MAP3K20: variants seen among roughly 807,000 people sequenced by gnomAD.
MAP3K20 encodes mitogen-activated protein kinase kinase kinase 20.
In MAP3K20, 40 loss-of-function variants were observed where a neutral mutation model predicts 85.7. The ratio of observed to expected loss-of-function variants is 0.47; its 90% CI spans 0.36 to 0.61. The LOEUF (loss-of-function observed/expected upper bound fraction) is 0.61, where lower values mean the gene tolerates loss of function less well. MAP3K20 is among the 20% of genes least tolerant of loss of function. The pLI is 0.00. For missense variants in MAP3K20, 817 were observed against 961.7 expected (o/e 0.85, Z 1.99); for synonymous variants, 325 against 327.7 (o/e 0.99, Z 0.09).
At chr2:173,220,802 T>C (rs1300650002) in intron 11 of MAP3K20, among the ~76,000 whole-genome samples, 1 of 152,230 alleles carries the variant, frequency 6.6e-6, no homozygotes, top group Non-Finnish European at 1.5e-5. Flanking sequence ...ACTAAATGTT[T>C]CCTTATGAAA....
intron 19 of MAP3K20, among the ~76,000 whole-genome samples, chr2:173,264,196 C>A (rs531664503): frequency 2.0e-5 from 3 of 152,294 alleles, no homozygotes; most frequent in Admixed American, 6.5e-5. Context: ...TTTTAAGGAG[C>A]CTTCCCAGTG....
Position 173,213,763 on chromosome 2 carries a change from C to G in MAP3K20, c.852-3352C>G, listed in dbSNP as rs986982251. Among the ~76,000 whole-genome samples the G allele has an allele frequency of 1.7e-4, 26 of 152,158 alleles. 1 individual carries two copies. The highest frequency in any genetic ancestry group is 1.5e-5 in the Non-Finnish European group (1 of 68,030). On this transcript the variant is annotated intron_variant, in intron 10 of 19. Coordinates refer to ENST00000375213, the MANE Select transcript of MAP3K20 (RefSeq NM_016653.3). ...GTTGTGCTGTCTTCTCATTAGCATG[C>G]AATATTCACTTGACTGAATTCCTTT...
At chr2:173,225,257 G>C in intron 11 of MAP3K20, 2 of 499,642 alleles carry the variant, frequency 4.0e-6, no homozygotes, top group Non-Finnish European at 5.2e-6. Flanking sequence ...GCCAGGAATA[G>C]TAACATTATG....
At chr2:173,222,134 C>A in intron 11 of MAP3K20, 1 of 916,950 alleles carries the variant, frequency 1.1e-6, no homozygotes, top group Non-Finnish European at 1.3e-6. Flanking sequence ...ACCTAGCAAT[C>A]AGTCAGGGCT....
intron 2 of MAP3K20, among the ~76,000 whole-genome samples, chr2:173,131,629 T>A (rs1688620426): frequency 6.6e-6 from 1 of 152,198 alleles, no homozygotes; most frequent in African/African-American, 2.4e-5. Context: ...GTATATTAGA[T>A]ATTTGCAGAA....
At chr2:173,193,930 C>T (rs1690740916) in intron 7 of MAP3K20, among the ~76,000 whole-genome samples, 2 of 152,152 alleles carry the variant, frequency 1.3e-5, no homozygotes, top group Non-Finnish European at 2.9e-5. Flanking sequence ...CTGAAACAAA[C>T]TCGACCACCA....
chr2:173,229,632 A>G (rs933635033), intron 11 of MAP3K20, 57 bp from the exon 12 acceptor site: 2 of 1,607,562 alleles, frequency 1.2e-6, no homozygotes, highest in Non-Finnish European at 1.7e-6. Context: ...AGGATGAACC[A>G]AAAAGACAAT....
chr2:173,249,732 G>GA (rs1685000938), intron 16 of MAP3K20, among the ~76,000 whole-genome samples: 2 of 152,232 alleles, frequency 1.3e-5, no homozygotes, highest in African/African-American at 4.8e-5. Flanking sequence ...TCAATAGCAA[G>GA]ACTTACTATT....
At chr2:173,219,131 T>C (rs1183930864) in intron 11 of MAP3K20, among the ~76,000 whole-genome samples, 1 of 152,242 alleles carries the variant, frequency 6.6e-6, no homozygotes, top group East Asian at 1.9e-4. Context: ...TTTTCTTTTG[T>C]CCTCACATCA....
rs1381066246 is a variant in MAP3K20 at position 173,266,112 on chromosome 2, C to T, written c.1765C>T (p.Gln589Ter). 1 of 1,609,608 alleles carries T rather than the reference C, an allele frequency of 6.2e-7. No homozygotes were observed. The highest frequency in any genetic ancestry group is 8.5e-7 in the Non-Finnish European group (1 of 1,177,876). ...MRQIASNTSLQRSQSNPILGS... is the reference protein window; with the variant it reads ...MRQIASNTSL ...GCAGATTGCATCCAACACTTCTTTA[C>T]AGCGTTCCCAGAGCAATCCTATTCT... is the stretch of plus-strand genomic sequence containing the variant. The change falls in exon 20 of 20, where the codon CAG becomes TAG. Residue 589 changes from glutamine (Q) to a stop codon, truncating the protein, a stop_gained. Coordinates refer to ENST00000375213, the MANE Select transcript of MAP3K20 (RefSeq NM_016653.3). LOFTEE classifies it low-confidence loss of function (END_TRUNC).
chr2:173,138,350 T>C (rs1688862181), intron 2 of MAP3K20, among the ~76,000 whole-genome samples: 1 of 152,220 alleles, frequency 6.6e-6, no homozygotes, highest in African/African-American at 2.4e-5. Context: ...TTTTGTGTGT[T>C]TTGAACTCCT....
intron 16 of MAP3K20, among the ~76,000 whole-genome samples, chr2:173,255,311 T>C (rs7606330): frequency 0.3 from 45,349 of 151,968 alleles, 9,909 homozygotes; most frequent in East Asian, 0.61. Flanking sequence ...CTCAACAAAA[T>C]CATCCAGCAG....
chr2:173,155,377 C>A (rs1488316134), intron 2 of MAP3K20, among the ~76,000 whole-genome samples: 2 of 152,292 alleles, frequency 1.3e-5, no homozygotes, highest in African/African-American at 4.8e-5. Flanking sequence ...TATTGTCCGT[C>A]TTTTCCAGCT....
At chr2:173,086,971 T>C (rs531178283) in intron 1 of MAP3K20, among the ~76,000 whole-genome samples, 1 of 152,340 alleles carries the variant, frequency 6.6e-6, no homozygotes, top group South Asian at 2.1e-4. Flanking sequence ...TTCAGAACCC[T>C]CCGGGGCACT....
At chr2:173,250,728 T>G (rs1685023063) in intron 16 of MAP3K20, among the ~76,000 whole-genome samples, 1 of 152,170 alleles carries the variant, frequency 6.6e-6, no homozygotes, top group Non-Finnish European at 1.5e-5. Context: ...GATTAAAACA[T>G]TCTTAGTTCC....
chr2:173,133,276 G>T (rs777961570), intron 2 of MAP3K20, among the ~76,000 whole-genome samples: 1 of 152,164 alleles, frequency 6.6e-6, no homozygotes, highest in Non-Finnish European at 1.5e-5. Flanking sequence ...TCTGAAAGCA[G>T]ATTGGGTAAC....
intron 2 of MAP3K20, among the ~76,000 whole-genome samples, chr2:173,157,710 C>T (rs1188308528): frequency 6.6e-6 from 1 of 152,202 alleles, no homozygotes; most frequent in African/African-American, 2.4e-5. Context: ...GTGCCTCCTG[C>T]TGTGCAATTA....
intron 3 of MAP3K20, among the ~76,000 whole-genome samples, chr2:173,171,887 C>G (rs1426210913): frequency 6.6e-6 from 1 of 152,110 alleles, no homozygotes; most frequent in Non-Finnish European, 1.5e-5. Flanking sequence ...ATTTATAGCT[C>G]TCTTATTGAC....
At chr2:173,260,357 G>C (rs1270011128) in intron 17 of MAP3K20, among the ~76,000 whole-genome samples, 1 of 152,182 alleles carries the variant, frequency 6.6e-6, no homozygotes, top group African/African-American at 2.4e-5. Flanking sequence ...GACAGAGTGA[G>C]ACTCAGTCTC....
Sources: gnomAD v4.1 joint callset for allele counts (sites outside exome capture counted in the v4.1 genomes callset) on GRCh38, gnomAD v4.1.1 for gene constraint, MANE v1.5 for transcripts, NCBI Gene and HGNC (gene_info 2026-07-23, HGNC 2026-07-21) for gene names.